The following CCP110 variants were observed in gnomAD, a reference collection of about 807,000 sequenced individuals.
CCP110 encodes the protein centriolar coiled-coil protein 110.
Under a neutral mutation model 105.5 loss-of-function variants are expected in CCP110, and 43 were observed. The observed-to-expected ratio is 0.41, with a 90% confidence interval of 0.32 to 0.53. The LOEUF is 0.53. Ranked by LOEUF, CCP110 falls within the 20% of genes least tolerant of loss-of-function variation. CCP110 has a pLI of 0.32. For synonymous variants in CCP110, 353 were observed against 392.1 expected, an observed-to-expected ratio of 0.90 and a Z score of 1.18; for missense variants, 1,016 against 1,189.1, an observed-to-expected ratio of 0.85 and a Z score of 2.14.
chr16:19,533,553 G>A (rs1349575472), intron 3 of CCP110, among the ~76,000 whole-genome samples: 6 of 152,150 alleles, frequency 3.9e-5, no homozygotes, highest in Non-Finnish European at 7.3e-5. Context: ...TCCACAAGTC[G>A]CATGAGAAAG....
intron 2 of CCP110, among the ~76,000 whole-genome samples, chr16:19,530,794 A>C (rs1969839421): frequency 6.6e-6 from 1 of 152,010 alleles, no homozygotes; most frequent in Admixed American, 6.6e-5. Context: ...TGTCTACTAA[A>C]AATATAAAAA....
At chr16:19,538,866 C>T (rs1480222338) in intron 4 of CCP110, among the ~76,000 whole-genome samples, 1 of 151,968 alleles carries the variant, frequency 6.6e-6, no homozygotes, top group Admixed American at 6.5e-5. Context: ...AATCCCAGCA[C>T]TTTGGGAGGC....
intron 3 of CCP110, among the ~76,000 whole-genome samples, chr16:19,533,752 G>A (rs1301737133): frequency 1.3e-5 from 2 of 152,178 alleles, no homozygotes; most frequent in African/African-American, 2.4e-5. Flanking sequence ...CTCTGGGTTG[G>A]TGTAAAGATT....
chr16:19,547,973 A>G, exon 13 of CCP110: 1 of 1,612,198 alleles, frequency 6.2e-7, no homozygotes, highest in Non-Finnish European at 8.5e-7. Context: ...AGCCAAACCA[A>G]GGACAGAATG....
At chr16:19,551,357 C>A in exon 15 of CCP110, 2 of 894,798 alleles carry the variant, frequency 2.2e-6, no homozygotes, top group Admixed American at 1.7e-5. Flanking sequence ...GACAAAGTGA[C>A]ATCAGAAGGC....
At chr16:19,533,183 T>A (rs1281846641) in intron 3 of CCP110, among the ~76,000 whole-genome samples, 2 of 152,236 alleles carry the variant, frequency 1.3e-5, no homozygotes, top group African/African-American at 4.8e-5. Flanking sequence ...GTAACATCTT[T>A]TTGTTTTTTC....
Position 19,536,576 on chromosome 16 carries a change from C to T in CCP110, c.907C>T (p.Gln303Ter). Residue 303 changes from glutamine (Q) to a stop codon, truncating the protein, a stop_gained, in exon 4 of 15, where the codon CAA (glutamine) becomes TAA (stop). Transcript: ENST00000381396. LOFTEE classifies it high-confidence loss of function. ...CCTTAATAAATCAAATGTTCTTCTC[C>T]AAGGTGCTTCCACTCAAGCAAGCAG... 1 of 1,614,096 alleles carries T rather than the reference C, an allele frequency of 6.2e-7. No individual in the cohort carries two copies. The highest frequency in any genetic ancestry group is 8.5e-7 in the Non-Finnish European group (1 of 1,180,020).
chr16:19,542,004 T>C, exon 6 of CCP110: 1 of 1,612,472 alleles, frequency 6.2e-7, no homozygotes, highest in Non-Finnish European at 8.5e-7. Flanking sequence ...TGACTCTAGT[T>C]TGCTGGAAAC....
At chr16:19,549,361 C>T (rs979980235) in intron 14 of CCP110, among the ~76,000 whole-genome samples, 9 of 152,088 alleles carry the variant, frequency 5.9e-5, no homozygotes, top group African/African-American at 1.9e-4. Flanking sequence ...AAGATTAAAC[C>T]TTTAATCAAT....
intron 14 of CCP110, among the ~76,000 whole-genome samples, chr16:19,549,962 CATA>C (rs796984695): frequency 3.3e-5 from 5 of 152,266 alleles, no homozygotes; most frequent in African/African-American, 1.2e-4. Context: ...AAGTTAGTAA[CATA>C]CAATGAAGTT....
At chr16:19,537,138 G>A in exon 4 of CCP110, 1 of 1,614,154 alleles carries the variant, frequency 6.2e-7, no homozygotes, top group Non-Finnish European at 8.5e-7. Flanking sequence ...GATGAGAGAG[G>A]CGCACACATA....
At chr16:19,536,378 G>A in exon 4 of CCP110, 4 of 1,612,532 alleles carry the variant, frequency 2.5e-6, no homozygotes, top group Non-Finnish European at 3.4e-6. Context: ...AAAGTCAAAG[G>A]AATATATAGA....
chr16:19,529,810 C>G (rs1199539509), intron 2 of CCP110, among the ~76,000 whole-genome samples: 1 of 152,042 alleles, frequency 6.6e-6, no homozygotes, highest in African/African-American at 2.4e-5. Flanking sequence ...CTTTATTCCC[C>G]CAATCTGGAT....
At chr16:19,536,741 A>G in exon 4 of CCP110, 1 of 1,614,198 alleles carries the variant, frequency 6.2e-7, no homozygotes, top group Non-Finnish European at 8.5e-7. Flanking sequence ...CAAAAGTCTT[A>G]CAGGTTCATA....
exon 4 of CCP110, chr16:19,537,136 A>T: frequency 2.5e-6 from 4 of 1,614,218 alleles, no homozygotes; most frequent in Non-Finnish European, 3.4e-6. Flanking sequence ...CCGATGAGAG[A>T]GGCGCACACA....
chr16:19,551,333 A>C, exon 15 of CCP110: 1 of 1,086,288 alleles, frequency 9.2e-7, no homozygotes, highest in Non-Finnish European at 1.4e-6. Flanking sequence ...TTAACCCTGG[A>C]CTCCGTTTAC....
intron 14 of CCP110, among the ~76,000 whole-genome samples, chr16:19,550,156 CTT>C (rs71375648): frequency 2.8e-5 from 4 of 144,820 alleles, no homozygotes; most frequent in Non-Finnish European, 1.5e-5. Context: ...TAATTGTGTT[CTT>C]TTTTTTTTTT....
intron 2 of CCP110, among the ~76,000 whole-genome samples, chr16:19,528,581 G>A (rs1025622118): frequency 6.6e-6 from 1 of 152,118 alleles, no homozygotes; most frequent in African/African-American, 2.4e-5. Flanking sequence ...GTCAGGGGCA[G>A]TATAGAGTCA....
chr16:19,543,479 T>C (rs12446897), intron 8 of CCP110, among the ~76,000 whole-genome samples: 2,380 of 152,266 alleles, frequency 0.016, 59 homozygotes, highest in Admixed American at 0.061. Flanking sequence ...GTTTGAACAA[T>C]AGGAAATCAG....
Sources: gnomAD v4.1 joint callset for allele counts (sites outside exome capture counted in the v4.1 genomes callset) on GRCh38, gnomAD v4.1.1 for gene constraint, MANE v1.5 for transcripts, NCBI Gene and HGNC (gene_info 2026-07-23, HGNC 2026-07-21) for gene names.